The following FARS2 variants were observed in gnomAD, a reference collection of about 807,000 sequenced individuals.
The protein encoded by FARS2 is phenylalanyl-tRNA synthetase 2, mitochondrial.
A neutral mutation model predicts 46.4 loss-of-function variants in FARS2; 40 were observed. The observed-to-expected ratio is 0.86, with a 90% CI of 0.67 to 1.12. The LOEUF (loss-of-function observed/expected upper bound fraction) is 1.12. Among genes scored for constraint, FARS2 ranks in the 50% most tolerant of loss-of-function variants. FARS2 has a pLI of 0.00. For synonymous variants in FARS2, 234 were observed against 214.9 expected (o/e 1.09, Z -0.78); for missense variants, 513 against 567.9 (o/e 0.90, Z 0.98).
At chr6:5,486,213 A>G (rs911741400) in intron 4 of FARS2, among the ~76,000 whole-genome samples, 5 of 152,206 alleles carry the variant, frequency 3.3e-5, no homozygotes, top group African/African-American at 1.2e-4. Flanking sequence ...AGTAAAGCTT[A>G]ACTTTTTATA....
intron 1 of FARS2, among the ~76,000 whole-genome samples, chr6:5,289,551 G>A (rs1298862297): frequency 6.6e-6 from 1 of 152,208 alleles, no homozygotes; most frequent in East Asian, 1.9e-4. Flanking sequence ...CGACCAGTCT[G>A]ATTGGTTGCG....
At chr6:5,743,907 A>T (rs1354617835) in intron 6 of FARS2, among the ~76,000 whole-genome samples, 1 of 152,178 alleles carries the variant, frequency 6.6e-6, no homozygotes, top group Non-Finnish European at 1.5e-5. Context: ...TGCTAATCAC[A>T]TATGTGTGTG....
At chr6:5,769,159 G>T (rs1430074311) in intron 6 of FARS2, among the ~76,000 whole-genome samples, 2 of 152,158 alleles carry the variant, frequency 1.3e-5, no homozygotes, top group South Asian at 2.1e-4. Flanking sequence ...TGTGTGTGTG[G>T]TGTGAGGTAG....
intron 1 of FARS2, among the ~76,000 whole-genome samples, chr6:5,326,278 G>A (rs1356406734): frequency 6.6e-6 from 1 of 152,238 alleles, no homozygotes; most frequent in African/African-American, 2.4e-5. Context: ...CCCAGAGCAA[G>A]CTCAAGGTAC....
At chr6:5,666,583 GACAA>G (rs765170267) in intron 6 of FARS2, among the ~76,000 whole-genome samples, 1 of 152,182 alleles carries the variant, frequency 6.6e-6, no homozygotes, top group East Asian at 1.9e-4. Flanking sequence ...GGCAAAGACA[GACAA>G]ACAGACAAAA....
rs117116595 is a variant in FARS2 at position 5,378,685 on chromosome 6, G to A, written c.612+9503G>A. On this transcript the variant is annotated intron_variant, in intron 2 of 6. Coordinates refer to ENST00000274680, the MANE Select transcript of FARS2 (RefSeq NM_006567.5). Reference sequence around the variant, plus strand: ...GGCTTTGTTGAAGGCATTTTTATTCGGCTTTGACAGATTATAGTCCCCATG... The same window carrying A: ...GGCTTTGTTGAAGGCATTTTTATTCAGCTTTGACAGATTATAGTCCCCATG... 1.4e-4 allele frequency among the ~76,000 whole-genome samples: 22 copies of A among 152,154 alleles called. No homozygotes were observed. The East Asian group carries it at 2.9e-3, about 20-fold the overall frequency.
At chr6:5,328,256 G>A (rs1050299326) in intron 1 of FARS2, among the ~76,000 whole-genome samples, 2 of 152,072 alleles carry the variant, frequency 1.3e-5, no homozygotes, top group African/African-American at 4.8e-5. Context: ...CTCCCTCCTT[G>A]TTTACCCTTA....
At chr6:5,254,020 A>G in the FARS2 span, among the ~76,000 whole-genome samples, 1 of 152,178 alleles carries the variant, frequency 6.6e-6, no homozygotes, top group Non-Finnish European at 1.5e-5. Context: ...TGCATCAAAA[A>G]AAGGTCATGC....
intron 1 of FARS2, among the ~76,000 whole-genome samples, chr6:5,282,603 C>G (rs551288081): frequency 4.7e-4 from 72 of 152,270 alleles, no homozygotes; most frequent in African/African-American, 1.7e-3. Flanking sequence ...GCGATTTAGT[C>G]CCTGGAAGAG....
intron 2 of FARS2, among the ~76,000 whole-genome samples, chr6:5,390,501 A>T (rs1226399399): frequency 2.0e-5 from 3 of 152,210 alleles, no homozygotes; most frequent in Non-Finnish European, 2.9e-5. Context: ...TCTATGACAC[A>T]TCATCTTTCA....
intron 1 of FARS2, among the ~76,000 whole-genome samples, chr6:5,286,040 T>A (rs546794530): frequency 7.0e-6 from 1 of 142,026 alleles, no homozygotes; most frequent in East Asian, 1.9e-4. Flanking sequence ...TCCCTTCTTA[T>A]GTCTCTTTCT....
intron 4 of FARS2, among the ~76,000 whole-genome samples, chr6:5,476,376 T>C (rs1208408245): frequency 1.3e-5 from 2 of 152,238 alleles, no homozygotes; most frequent in Non-Finnish European, 2.9e-5. Flanking sequence ...TGTCAGTTGG[T>C]GAATTATCCT....
intron 4 of FARS2, among the ~76,000 whole-genome samples, chr6:5,439,562 A>G (rs1419162082): frequency 1.3e-5 from 2 of 152,096 alleles, no homozygotes; most frequent in Non-Finnish European, 2.9e-5. Flanking sequence ...AGTTGTTTAG[A>G]GATTTTGGTC....
At chr6:5,595,569 T>TC (rs1277788458) in intron 5 of FARS2, among the ~76,000 whole-genome samples, 1 of 152,028 alleles carries the variant, frequency 6.6e-6, no homozygotes, top group Non-Finnish European at 1.5e-5. Flanking sequence ...AGGGAGAAAA[T>TC]GTGATCCCTG....
At chr6:5,479,929 G>A (rs947321634) in intron 4 of FARS2, among the ~76,000 whole-genome samples, 1 of 152,200 alleles carries the variant, frequency 6.6e-6, no homozygotes, top group African/African-American at 2.4e-5. Flanking sequence ...GAAGGAGAAG[G>A]GCAGGACCAT....
the FARS2 span, among the ~76,000 whole-genome samples, chr6:5,254,364 G>T: frequency 7.2e-5 from 11 of 152,198 alleles, no homozygotes; most frequent in Non-Finnish European, 1.5e-4. Context: ...CCAAGAGTTT[G>T]TAGAATCCCG....
rs1406406376 is a variant in FARS2, at chr6:5,617,132, GA to G, written c.1217+3819del. On this transcript the variant is annotated intron_variant, in intron 6 of 6. Coordinates refer to ENST00000274680, the MANE Select transcript of FARS2 (RefSeq NM_006567.5). ...AGACACCCCATTAAAAAAAATCACT[GA>G]AAAAAATAAATATTTTTCTAAAAAA... is the stretch of plus-strand genomic sequence containing the variant. 2.0e-5 allele frequency among the ~76,000 whole-genome samples: 3 copies of G among 151,736 alleles called. No homozygotes were observed. In the South Asian group the frequency reaches 6.3e-4, roughly 32 times the overall value.
At chr6:5,610,168 C>G (rs953226966) in intron 5 of FARS2, 30 of 995,928 alleles carry the variant, frequency 3.0e-5, no homozygotes, top group Non-Finnish European at 2.5e-5. Context: ...CTCAGCTATT[C>G]GGGCTCTTTA....
intron 4 of FARS2, among the ~76,000 whole-genome samples, chr6:5,523,361 T>A (rs1769260598): frequency 6.6e-6 from 1 of 151,788 alleles, no homozygotes; most frequent in Admixed American, 6.6e-5. Flanking sequence ...AGGGCTTTTT[T>A]GACTGGTAGA....
Sources: gnomAD v4.1 joint callset for allele counts (sites outside exome capture counted in the v4.1 genomes callset) on GRCh38, gnomAD v4.1.1 for gene constraint, MANE v1.5 for transcripts, NCBI Gene and HGNC (gene_info 2026-07-23, HGNC 2026-07-21) for gene names.